Variants in RBMS3 observed in about 807,000 individuals in gnomAD.
RBMS3 encodes the protein RNA binding motif single stranded interacting protein 3, also known as RNA-binding motif, single-stranded-interacting protein 3.
RBMS3 carries 27 observed loss-of-function variants against 66.8 expected under a neutral mutation model. The ratio of observed to expected loss-of-function variants is 0.40; its 90% CI spans 0.30 to 0.56. The LOEUF (loss-of-function observed/expected upper bound fraction) is 0.56, where lower values mean the gene tolerates loss of function less well. Ranked by LOEUF, RBMS3 falls within the 20% of genes least tolerant of loss-of-function variation. RBMS3 has a pLI of 0.40. For missense variants in RBMS3, 513 were observed against 549.5 expected, an observed-to-expected ratio of 0.93 and a Z score of 0.66; for synonymous variants, 188 against 183.0, an observed-to-expected ratio of 1.03 and a Z score of -0.22.
intron 10 of RBMS3, among the ~76,000 whole-genome samples, chr3:29,929,791 C>T (rs564450786): frequency 4.6e-5 from 7 of 152,018 alleles, no homozygotes; most frequent in Non-Finnish European, 8.8e-5. Context: ...ACATTATACC[C>T]CTAGCCCATA....
At chr3:29,498,432 G>T (rs1291906807) in intron 3 of RBMS3, among the ~76,000 whole-genome samples, 4 of 151,960 alleles carry the variant, frequency 2.6e-5, no homozygotes, top group Admixed American at 2.6e-4. Flanking sequence ...TATTTAAAAT[G>T]ATATACAAAA....
intron 4 of RBMS3, among the ~76,000 whole-genome samples, chr3:29,713,451 T>C (rs1280075095): frequency 3.3e-5 from 5 of 152,236 alleles, no homozygotes; most frequent in Non-Finnish European, 7.4e-5. Context: ...TATTTCTTCC[T>C]GGTTCTGTGA....
At chr3:29,478,034 G>T (rs1240419920) in intron 2 of RBMS3, among the ~76,000 whole-genome samples, 1 of 152,140 alleles carries the variant, frequency 6.6e-6, no homozygotes. Flanking sequence ...CTCCCAAAGT[G>T]CTGGGATTAC....
chr3:29,372,288 C>G (rs1477300732), intron 1 of RBMS3, among the ~76,000 whole-genome samples: 1 of 151,898 alleles, frequency 6.6e-6, no homozygotes, highest in Non-Finnish European at 1.5e-5. Context: ...GAGATCACGC[C>G]ACTGCACTCC....
At chr3:29,462,384 CATGTACATT>C (rs1404824777) in intron 2 of RBMS3, among the ~76,000 whole-genome samples, 2 of 152,166 alleles carry the variant, frequency 1.3e-5, no homozygotes, top group African/African-American at 4.8e-5. Context: ...TGCTTTCTTG[CATGTACATT>C]ATCATATGTT....
chr3:29,316,547 C>T (rs907908535), intron 1 of RBMS3, among the ~76,000 whole-genome samples: 6 of 151,630 alleles, frequency 4.0e-5, no homozygotes, highest in Non-Finnish European at 8.9e-5. Flanking sequence ...ACACTTTCCA[C>T]TGTGCTCACT....
chr3:29,816,911 G>C (rs757538383), intron 6 of RBMS3, among the ~76,000 whole-genome samples: 2 of 151,950 alleles, frequency 1.3e-5, no homozygotes, highest in Non-Finnish European at 1.5e-5. Flanking sequence ...CCAACATGGT[G>C]ATACCCCGTC....
intron 7 of RBMS3, among the ~76,000 whole-genome samples, chr3:29,878,157 C>T (rs951369222): frequency 6.6e-6 from 1 of 152,004 alleles, no homozygotes; most frequent in African/African-American, 2.4e-5. Flanking sequence ...CAATGAGAAT[C>T]GAATGCCCCT....
chr3:29,507,277 A>AT (rs1327808483), intron 3 of RBMS3, among the ~76,000 whole-genome samples: 5 of 151,888 alleles, frequency 3.3e-5, no homozygotes, highest in Non-Finnish European at 7.4e-5. Context: ...AGATTATGTA[A>AT]TTTTTTTCTA....
chr3:29,382,234 TC>T (rs367950774), intron 1 of RBMS3, among the ~76,000 whole-genome samples: 3,029 of 152,290 alleles, frequency 0.02, 96 homozygotes, highest in African/African-American at 0.069. Context: ...AATGAAAATT[TC>T]ATTTCCAGTT....
intron 6 of RBMS3, among the ~76,000 whole-genome samples, chr3:29,801,264 C>CTTTTTTTT (rs1404582483): frequency 1.2e-5 from 1 of 81,190 alleles, no homozygotes; most frequent in African/African-American, 4.8e-5. Flanking sequence ...AGAATCATTG[C>CTTTTTTTT]TTTTTTTCTT....
intron 3 of RBMS3, among the ~76,000 whole-genome samples, chr3:29,566,438 G>A (rs920983260): frequency 2.6e-5 from 4 of 152,012 alleles, no homozygotes; most frequent in Non-Finnish European, 4.4e-5. Flanking sequence ...GAAGCTCTAC[G>A]TAACACATAG....
At chr3:29,539,607 T>C (rs957107021) in intron 3 of RBMS3, among the ~76,000 whole-genome samples, 1 of 152,204 alleles carries the variant, frequency 6.6e-6, no homozygotes, top group Admixed American at 6.5e-5. Flanking sequence ...AGGTATCAAG[T>C]ACCCGAGTTT....
chr3:29,993,580 T>TTAGTTGAACCCCTGAA (rs1221455522), intron 14 of RBMS3, among the ~76,000 whole-genome samples: 1 of 152,186 alleles, frequency 6.6e-6, no homozygotes, highest in African/African-American at 2.4e-5. Context: ...ATCCAATCAG[T>TTAGTTGAACCCCTGAA]TAGTTGAACC....
chr3:29,942,188 A>G (rs1260307140), intron 11 of RBMS3, among the ~76,000 whole-genome samples: 1 of 151,828 alleles, frequency 6.6e-6, no homozygotes, highest in Non-Finnish European at 1.5e-5. Context: ...AAGAGAAATA[A>G]TTGGGAAAAA....
intron 4 of RBMS3, among the ~76,000 whole-genome samples, chr3:29,594,721 A>C (rs767324708): frequency 2.0e-5 from 3 of 152,168 alleles, no homozygotes; most frequent in Admixed American, 6.5e-5. Flanking sequence ...AATTTGGCTC[A>C]GTTTTTTTCC....
At chr3:29,413,615 A>G (rs537619895) in intron 1 of RBMS3, among the ~76,000 whole-genome samples, 2 of 152,354 alleles carry the variant, frequency 1.3e-5, no homozygotes, top group South Asian at 4.1e-4. Context: ...ACAATGGTAC[A>G]GTAGGATTCT....
At chr3:29,752,244 T>TC (rs761265911) in intron 5 of RBMS3, among the ~76,000 whole-genome samples, 7 of 152,148 alleles carry the variant, frequency 4.6e-5, no homozygotes, top group Non-Finnish European at 8.8e-5. Context: ...TGTCAAGCCA[T>TC]CCCTCTGAAG....
intron 10 of RBMS3, among the ~76,000 whole-genome samples, chr3:29,927,479 G>T (rs2060970392): frequency 6.6e-6 from 1 of 152,158 alleles, no homozygotes; most frequent in South Asian, 2.1e-4. Flanking sequence ...AGGATTCAGG[G>T]AAGAAATAAA....
Sources: allele counts gnomAD v4.1 joint callset (sites outside exome capture counted in the v4.1 genomes callset), GRCh38; gene constraint gnomAD v4.1.1; transcripts MANE v1.5; gene names NCBI Gene and HGNC (gene_info 2026-07-23, HGNC 2026-07-21).